Variants in CCDC192 observed in about 807,000 individuals in gnomAD.
CCDC192 encodes the protein coiled-coil domain-containing protein 192.
intron 5 of CCDC192, among the ~76,000 whole-genome samples, chr5:127,804,483 A>G (rs139509115): frequency 2.6e-3 from 399 of 152,324 alleles, no homozygotes; most frequent in African/African-American, 8.8e-3. Context: ...CCCAGGCATC[A>G]TGGTGAAGTA....
chr5:127,848,585 C>T (rs1750664288), intron 5 of CCDC192, among the ~76,000 whole-genome samples: 1 of 152,206 alleles, frequency 6.6e-6, no homozygotes, highest in Admixed American at 6.5e-5. Context: ...TGTGACTTCT[C>T]ACCTAAACTC....
At chr5:127,927,107 C>G (rs548633549) in intron 6 of CCDC192, among the ~76,000 whole-genome samples, 1 of 152,078 alleles carries the variant, frequency 6.6e-6, no homozygotes, top group Non-Finnish European at 1.5e-5. Flanking sequence ...GATTGTAATA[C>G]GTTGACATGA....
chr5:127,744,306 T>G (rs182121005), intron 2 of CCDC192, among the ~76,000 whole-genome samples: 1 of 151,670 alleles, frequency 6.6e-6, no homozygotes, highest in East Asian at 1.9e-4. Flanking sequence ...TGAATCTGCA[T>G]GAGAAAATGA....
intron 3 of CCDC192, among the ~76,000 whole-genome samples, chr5:127,787,736 A>G (rs200552964): frequency 1.6e-4 from 25 of 152,268 alleles, no homozygotes; most frequent in Non-Finnish European, 2.9e-4. Context: ...CTGTCATACT[A>G]CGTCTGTTAT....
chr5:127,835,761 T>C (rs1397665239), intron 5 of CCDC192, among the ~76,000 whole-genome samples: 1 of 152,084 alleles, frequency 6.6e-6, no homozygotes, highest in African/African-American at 2.4e-5. Context: ...GAGAACTCAC[T>C]CACTATCACA....
At chr5:127,766,250 C>A (rs1755218333) in intron 3 of CCDC192, among the ~76,000 whole-genome samples, 1 of 152,052 alleles carries the variant, frequency 6.6e-6, no homozygotes, top group Non-Finnish European at 1.5e-5. Context: ...AGGAAAAATA[C>A]CTCCAGGGAG....
chr5:127,852,644 A>G (rs1057207254), intron 5 of CCDC192, among the ~76,000 whole-genome samples: 1 of 152,192 alleles, frequency 6.6e-6, no homozygotes, highest in Non-Finnish European at 1.5e-5. Context: ...TCCTCACTGC[A>G]GCTATTCTCC....
intron 6 of CCDC192, among the ~76,000 whole-genome samples, chr5:127,919,073 A>ATG (rs70997353): frequency 0.041 from 5,693 of 137,286 alleles, 182 homozygotes; most frequent in African/African-American, 0.088. Flanking sequence ...GTGTGTATAT[A>ATG]TGTGTGTGTG....
intron 5 of CCDC192, among the ~76,000 whole-genome samples, chr5:127,829,435 G>A (rs1302132396): frequency 6.6e-6 from 1 of 152,030 alleles, no homozygotes; most frequent in African/African-American, 2.4e-5. Context: ...TCCCACCTTT[G>A]TCTTTCAAAT....
At chr5:127,933,627 G>A (rs1754111322) in intron 6 of CCDC192, among the ~76,000 whole-genome samples, 1 of 152,180 alleles carries the variant, frequency 6.6e-6, no homozygotes, top group African/African-American at 2.4e-5. Flanking sequence ...GTCTTCATCA[G>A]CCAGGCCCCT....
chr5:127,819,519 G>A (rs1347828711), intron 5 of CCDC192, among the ~76,000 whole-genome samples: 1 of 152,040 alleles, frequency 6.6e-6, no homozygotes, highest in Non-Finnish European at 1.5e-5. Context: ...TATCTTTTTT[G>A]AGTCTGGGTG....
intron 5 of CCDC192, among the ~76,000 whole-genome samples, chr5:127,804,866 T>C (rs1400920372): frequency 6.6e-6 from 1 of 152,190 alleles, no homozygotes; most frequent in African/African-American, 2.4e-5. Context: ...CCCCTAGCAC[T>C]TCCAGCATAG....
intron 2 of CCDC192, among the ~76,000 whole-genome samples, chr5:127,748,643 A>C (rs1280527379): frequency 7.0e-6 from 1 of 142,458 alleles, no homozygotes; most frequent in African/African-American, 2.5e-5. Flanking sequence ...AATTCTGTGA[A>C]GAAAGGCATT....
At chr5:127,863,488 G>A (rs1196327527) in intron 5 of CCDC192, among the ~76,000 whole-genome samples, 1 of 152,154 alleles carries the variant, frequency 6.6e-6, no homozygotes, top group East Asian at 1.9e-4. Context: ...ACTTATATGA[G>A]GTACCTAGAA....
intron 5 of CCDC192, among the ~76,000 whole-genome samples, chr5:127,841,688 T>C (rs992898227): frequency 5.9e-5 from 9 of 152,110 alleles, no homozygotes; most frequent in Non-Finnish European, 1.3e-4. Flanking sequence ...TACTCACCCT[T>C]GACTACACTG....
At chr5:127,910,056 C>T (rs1753304419) in intron 6 of CCDC192, among the ~76,000 whole-genome samples, 1 of 152,138 alleles carries the variant, frequency 6.6e-6, no homozygotes, top group Non-Finnish European at 1.5e-5. Flanking sequence ...CAAAACAGGC[C>T]AAGTGCCTAT....
chr5:127,727,144 C>T (rs1752372955), intron 2 of CCDC192, among the ~76,000 whole-genome samples: 1 of 152,146 alleles, frequency 6.6e-6, no homozygotes, highest in Admixed American at 6.5e-5. Flanking sequence ...CTCAGCAAAC[C>T]ATAGCAACCC....
At chr5:127,746,736 G>A (rs1291330350) in intron 2 of CCDC192, among the ~76,000 whole-genome samples, 2 of 151,768 alleles carry the variant, frequency 1.3e-5, no homozygotes, top group Non-Finnish European at 1.5e-5. Context: ...TCCCCTAATG[G>A]CAAACTTTTG....
Position 127,738,720 on chromosome 5 carries a change from C to T in CCDC192, c.115-15548C>T, listed in dbSNP as rs537619572. Among the ~76,000 whole-genome samples the T allele has an allele frequency of 2.6e-3, 393 of 152,300 alleles. 1 individual carries two copies. Among genetic ancestry groups the T allele is most frequent in the Non-Finnish European group, 4.2e-3 (283 of 68,026 alleles). On this transcript the variant is annotated intron_variant, in intron 2 of 6. Coordinates refer to ENST00000514853, the MANE Select transcript of CCDC192 (RefSeq NM_001317938.2). ...TGATACCCTTTCTTTCAGTTGATCACATCAGCTCCTGAGGCTTCTGCATTC... is the reference window on the plus strand; with the variant it reads ...TGATACCCTTTCTTTCAGTTGATCATATCAGCTCCTGAGGCTTCTGCATTC...
Sources: allele counts gnomAD v4.1 joint callset (sites outside exome capture counted in the v4.1 genomes callset), GRCh38; gene constraint gnomAD v4.1.1; transcripts MANE v1.5; gene names NCBI Gene and HGNC (gene_info 2026-07-23, HGNC 2026-07-21).